The following MAGI1 variants were observed in gnomAD, a reference collection of about 807,000 sequenced individuals.
The protein encoded by MAGI1 is membrane associated guanylate kinase, WW and PDZ domain containing 1, also known as membrane-associated guanylate kinase, WW and PDZ domain-containing protein 1.
A neutral mutation model predicts 139.9 loss-of-function variants in MAGI1; 58 were observed. The ratio of observed to expected loss-of-function variants is 0.41; its 90% CI spans 0.34 to 0.52. MAGI1 has a LOEUF of 0.52. MAGI1 is among the 20% of genes least tolerant of loss of function. MAGI1 has a pLI of 0.12. For missense variants in MAGI1, 1,874 were observed against 1,901.6 expected (o/e 0.99, Z 0.27); for synonymous variants, 812 against 737.9 (o/e 1.10, Z -1.63).
chr3:65,770,301 T>C (rs1028660042), intron 1 of MAGI1, among the ~76,000 whole-genome samples: 55 of 152,282 alleles, frequency 3.6e-4, no homozygotes, highest in African/African-American at 1.3e-3. Context: ...TTCATCAAAA[T>C]TGGTCAAGCA....
chr3:65,834,303 C>G (rs1444330989), intron 1 of MAGI1, among the ~76,000 whole-genome samples: 1 of 152,188 alleles, frequency 6.6e-6, no homozygotes, highest in East Asian at 1.9e-4. Flanking sequence ...GGAGAAAAAT[C>G]TGAGGGAAGA....
chr3:65,952,320 C>T (rs1263936728), intron 1 of MAGI1, among the ~76,000 whole-genome samples: 1 of 152,106 alleles, frequency 6.6e-6, no homozygotes, highest in Non-Finnish European at 1.5e-5. Context: ...CTCATAATTC[C>T]TGTTTTTGAC....
intron 5 of MAGI1, among the ~76,000 whole-genome samples, chr3:65,461,220 T>A (rs1949760754): frequency 6.6e-6 from 1 of 152,030 alleles, no homozygotes; most frequent in Admixed American, 6.6e-5. Context: ...TATTTATTTA[T>A]TTATTTATTT....
intron 1 of MAGI1, among the ~76,000 whole-genome samples, chr3:65,885,671 C>T (rs2060501604): frequency 6.6e-6 from 1 of 152,112 alleles, no homozygotes; most frequent in South Asian, 2.1e-4. Flanking sequence ...AGTTCCCCTG[C>T]ACACGCTCTC....
chr3:65,359,878 C>G (rs1204168832), intron 22 of MAGI1: 8 of 985,016 alleles, frequency 8.1e-6, no homozygotes, highest in Non-Finnish European at 9.6e-6. Flanking sequence ...AATATCACAT[C>G]CAACAGAAGC....
In MAGI1 at chr3:65,470,414, G is replaced by A. The variant is rs367935350; in HGVS notation, c.828C>T (p.Ile276=). Residue 276 remains isoleucine (I), a synonymous_variant, in exon 5 of 23, where the codon ATC becomes ATT. Transcript: ENST00000402939. ...TALPPVNSSI[I]AAPITDPSQK... is the part of the protein sequence containing the mutation. ...GAGAAGGGTCCGTGATGGGAGCAGC[G>A]ATGATGCTACTATTCACAGGTGGTA... is the stretch of plus-strand genomic sequence containing the variant. The A allele has an allele frequency of 2.2e-5, 35 of 1,613,452 alleles. No homozygotes were observed. Among genetic ancestry groups the A allele is most frequent in the African/African-American group, 8.0e-5 (6 of 74,832 alleles).
chr3:65,432,844 A>G (rs1226241754), intron 10 of MAGI1, among the ~76,000 whole-genome samples: 1 of 152,148 alleles, frequency 6.6e-6, no homozygotes, highest in Non-Finnish European at 1.5e-5. Flanking sequence ...GAAGGGAAAC[A>G]CATTTCAGTT....
At chr3:65,599,929 T>C (rs1325129677) in intron 2 of MAGI1, among the ~76,000 whole-genome samples, 1 of 152,170 alleles carries the variant, frequency 6.6e-6, no homozygotes, top group Non-Finnish European at 1.5e-5. Context: ...GCCTTAAGAG[T>C]TACATGCAAA....
intron 1 of MAGI1, among the ~76,000 whole-genome samples, chr3:65,846,469 A>G (rs970349431): frequency 7.2e-5 from 11 of 152,316 alleles, no homozygotes; most frequent in African/African-American, 2.6e-4. Context: ...TTTGTAAAAC[A>G]GGGGTCATGA....
At chr3:65,453,104 C>A in intron 6 of MAGI1, 154 bp downstream of exon 6, 2 of 646,822 alleles carry the variant, frequency 3.1e-6, no homozygotes, top group South Asian at 1.9e-5. Flanking sequence ...GACTTTCTTC[C>A]TGCTTTTGTA....
intron 1 of MAGI1, among the ~76,000 whole-genome samples, chr3:65,936,510 A>C (rs2063060060): frequency 6.6e-6 from 1 of 151,482 alleles, no homozygotes; most frequent in Non-Finnish European, 1.5e-5. Context: ...TGGCTGGTAC[A>C]CGCCTGTAAT....
rs549699440 is a variant in MAGI1, at chr3:65,687,578, C to CATCTGAATTGCA, written c.314-65491_314-65490insTGCAATTCAGAT. The CATCTGAATTGCA allele has an allele frequency of 1.2e-3, 448 of 384,906 alleles. 6 individuals carry two copies. The East Asian group carries it at 0.024, about 21-fold the overall frequency. The allele number at this position is 384,906 out of a possible 1,614,324, so 23.8% of individuals were successfully genotyped here. A position where few individuals can be genotyped will look rare whatever the true frequency, so the allele number is the denominator to read the frequency against. The stretch of plus-strand genomic sequence containing the variant: ...GATTGACAATCTGTGGCTCCAGGGA[C>CATCTGAATTGCA]ATCTGAAGTGCAAATTGAAGAAGTT... On this transcript the variant is annotated intron_variant, in intron 1 of 22. Coordinates refer to ENST00000402939, the MANE Select transcript of MAGI1 (RefSeq NM_001033057.2).
At chr3:65,907,803 C>G (rs1249195049) in intron 1 of MAGI1, 1 of 152,198 alleles carries the variant, frequency 6.6e-6, no homozygotes, top group Non-Finnish European at 1.5e-5. Context: ...CAGGCTTGTT[C>G]CTGCCTCAGA....
chr3:65,921,314 T>G (rs1244099737), intron 1 of MAGI1, among the ~76,000 whole-genome samples: 1 of 151,926 alleles, frequency 6.6e-6, no homozygotes. Context: ...GTATAATTTT[T>G]TTTTTTTTTT....
At chr3:65,578,599 C>A (rs2081277439) in intron 2 of MAGI1, among the ~76,000 whole-genome samples, 1 of 152,116 alleles carries the variant, frequency 6.6e-6, no homozygotes, top group Non-Finnish European at 1.5e-5. Context: ...AAAATGAAAT[C>A]TTCATGGGTC....
intron 2 of MAGI1, among the ~76,000 whole-genome samples, chr3:65,607,254 C>T (rs1424773329): frequency 6.6e-6 from 1 of 151,606 alleles, no homozygotes; most frequent in African/African-American, 2.4e-5. Context: ...CAGTCTCTTG[C>T]AGAGAAGAAA....
chr3:65,387,079 C>T lies in MAGI1; in HGVS notation c.2417-3456G>A. On this transcript the variant is annotated intron_variant, in intron 14 of 22. Transcript: ENST00000402939. ...CTGAACTTCTCCCCAGGCCCCCAGA[C>T]CAATGAGAACATCAAACAAGATGAA... The T allele has an allele frequency of 2.1e-6, 3 of 1,427,770 alleles. No individual in the cohort carries two copies. In the South Asian group the frequency reaches 3.5e-5, roughly 17 times the overall value. The allele number at this position is 1,427,770 out of a possible 1,614,324, so 88.4% of individuals were successfully genotyped here. A position where few individuals can be genotyped will look rare whatever the true frequency, so the allele number is the denominator to read the frequency against.
chr3:65,878,724 T>C (rs1471537761), intron 1 of MAGI1, among the ~76,000 whole-genome samples: 2 of 152,156 alleles, frequency 1.3e-5, no homozygotes, highest in African/African-American at 4.8e-5. Context: ...GCAGTTTAAA[T>C]ATTACACTTT....
rs138142311 is a variant in MAGI1 at position 65,636,899 on chromosome 3, C to T, written c.314-14811G>A. 9.9e-3 allele frequency among the ~76,000 whole-genome samples: 1,501 copies of T among 152,264 alleles called. 26 individuals carry two copies. The highest frequency in any genetic ancestry group is 0.034 in the African/African-American group (1,395 of 41,544). Reference sequence around the variant, plus strand: ...GTACAAAAACAAAAAACTTCAGACCCAGCCGACCAAATCTTATCCCCTCAG... The same window carrying T: ...GTACAAAAACAAAAAACTTCAGACCTAGCCGACCAAATCTTATCCCCTCAG... On this transcript the variant is annotated intron_variant, in intron 1 of 22. Coordinates refer to ENST00000402939, the MANE Select transcript of MAGI1 (RefSeq NM_001033057.2).
Sources: gnomAD v4.1 joint callset for allele counts (sites outside exome capture counted in the v4.1 genomes callset) on GRCh38, gnomAD v4.1.1 for gene constraint, MANE v1.5 for transcripts, NCBI Gene and HGNC (gene_info 2026-07-23, HGNC 2026-07-21) for gene names.